The following ENOSF1 variants were observed in gnomAD, a reference collection of about 807,000 sequenced individuals.
ENOSF1 encodes the protein mitochondrial enolase superfamily member 1.
ENOSF1 carries 73 observed loss-of-function variants against 68.2 expected under a neutral mutation model. The observed-to-expected ratio is 1.07, with a 90% CI of 0.89 to 1.30. The LOEUF (loss-of-function observed/expected upper bound fraction) is 1.30. Among genes scored for constraint, ENOSF1 ranks in the 50% most tolerant of loss-of-function variants. The probability of loss-of-function intolerance (pLI) is 0.00; values close to 1 mark genes in which losing one functional copy is unlikely to be tolerated. For missense variants in ENOSF1, 589 were observed against 554.5 expected (o/e 1.06, Z -0.62); for synonymous variants, 223 against 210.4 (o/e 1.06, Z -0.52).
chr18:703,778 G>A (rs539809631), intron 2 of ENOSF1, among the ~76,000 whole-genome samples: 2 of 152,302 alleles, frequency 1.3e-5, no homozygotes, highest in Non-Finnish European at 2.9e-5. Flanking sequence ...ATGTTGAAGT[G>A]TAATCCGCAG....
downstream of ENOSF1, chr18:669,048 CCT>C (rs775540395): frequency 1.3e-6 from 2 of 1,584,076 alleles, no homozygotes; most frequent in African/African-American, 1.3e-5. Flanking sequence ...ATGTACCTGT[CCT>C]CTCTTTTTGA....
chr18:668,011 T>TA (rs1555639907), downstream of ENOSF1, among the ~76,000 whole-genome samples: 6 of 149,910 alleles, frequency 4.0e-5, no homozygotes, highest in South Asian at 8.6e-4. Context: ...TTTTTTTTTT[T>TA]AATGCACAGA....
At chr18:666,263 ATCGG>A (rs1191069264), downstream of ENOSF1, among the ~76,000 whole-genome samples, 6 of 151,734 alleles carry the variant, frequency 4.0e-5, no homozygotes, top group East Asian at 9.8e-4. Flanking sequence ...TGGGAAGTTC[ATCGG>A]TGGGACAAGG....
chr18:694,243 G>A lies in ENOSF1; in HGVS notation c.396+5C>T, dbSNP rs543721417. On this transcript the variant is annotated splice_donor_5th_base_variant and intron_variant, in intron 4 of 15. Coordinates refer to ENST00000647584, the MANE Select transcript of ENOSF1 (RefSeq NM_017512.7). ...AGCCTCCTGAGCGTTTGTGAGAGGG[G>A]TTACCTTTCCCTCCTGCTTGGCCCA... 1.9e-6 allele frequency: 3 copies of A among 1,613,892 alleles called. No individual in the cohort carries two copies. Among genetic ancestry groups the A allele is most frequent in the East Asian group, 2.2e-5 (1 of 44,874 alleles).
chr18:673,025 T>C lies in ENOSF1; in HGVS notation c.*1280A>G. 6.6e-7 allele frequency: 1 copy of C among 1,520,250 alleles called. No individual in the cohort carries two copies. Among genetic ancestry groups the C allele is most frequent in the Non-Finnish European group, 9.0e-7 (1 of 1,115,762 alleles). 94.2% of individuals were successfully genotyped at this position (1,520,250 alleles called of 1,614,324 possible). On this transcript the variant is annotated 3_prime_UTR_variant, in exon 16 of 16. Coordinates refer to ENST00000647584, the MANE Select transcript of ENOSF1 (RefSeq NM_017512.7). Reference sequence around the variant, plus strand: ...TGCTTTCAAAGGAGCTCGAAGGATATTGTCAGTCTTTAGGGGTTGGGCTGG... The same window carrying C: ...TGCTTTCAAAGGAGCTCGAAGGATACTGTCAGTCTTTAGGGGTTGGGCTGG...
chr18:677,164 G>A (rs1479946895), intron 14 of ENOSF1, among the ~76,000 whole-genome samples, 181 bp downstream of exon 14: 1 of 152,184 alleles, frequency 6.6e-6, no homozygotes, highest in African/African-American at 2.4e-5. Context: ...TATCTTAGGA[G>A]GCAAAATGAC....
At chr18:704,430 A>AAAAAG (rs1241936042) in intron 2 of ENOSF1, among the ~76,000 whole-genome samples, 1 of 109,088 alleles carries the variant, frequency 9.2e-6, no homozygotes, top group Non-Finnish European at 1.9e-5. Context: ...TCTTGTTTCC[A>AAAAAG]AAAAGAAAAG....
chr18:679,233 C>G (rs1482779608), intron 11 of ENOSF1, among the ~76,000 whole-genome samples: 1 of 143,914 alleles, frequency 6.9e-6, no homozygotes, highest in African/African-American at 2.6e-5. Flanking sequence ...TTTTTGAGAC[C>G]GAGTCTTGCT....
Position 670,895 on chromosome 18 carries a change from C to T in ENOSF1, c.*3410G>A. On this transcript the variant is annotated 3_prime_UTR_variant, in exon 16 of 16. Transcript: ENST00000647584. ...GGGCTGTCTCGGGAAGGGTGACTTG[C>T]CAGCCTACCACACTGAGCTCTTCAG... 1.2e-6 allele frequency: 2 copies of T among 1,611,466 alleles called. No homozygotes were observed. The highest frequency in any genetic ancestry group is 8.5e-7 in the Non-Finnish European group (1 of 1,178,368).
intron 10 of ENOSF1, 145 bp downstream of exon 10, chr18:685,776 T>G: frequency 1.5e-6 from 1 of 658,198 alleles, no homozygotes; most frequent in South Asian, 1.9e-5. Context: ...TATTTTTGTT[T>G]GAGCTCGCCT....
Position 691,289 on chromosome 18 carries a change from CAGG to C in ENOSF1, c.424-16_424-14del. On this transcript the variant is annotated splice_polypyrimidine_tract_variant and intron_variant, in intron 5 of 15. Coordinates refer to ENST00000647584, the MANE Select transcript of ENOSF1 (RefSeq NM_017512.7). ...GCATCCTGGGATCCTGGCAACGTGACAGGAGGGGAAGAGGCCTGAATCAATTAT... is the reference window on the plus strand; with the variant it reads ...GCATCCTGGGATCCTGGCAACGTGACAGGGGAAGAGGCCTGAATCAATTAT... 6.2e-7 allele frequency: 1 copy of C among 1,610,478 alleles called. No individual in the cohort carries two copies. The highest frequency in any genetic ancestry group is 8.5e-7 in the Non-Finnish European group (1 of 1,177,224).
chr18:708,832 C>T (rs1009923427), intron 1 of ENOSF1, among the ~76,000 whole-genome samples: 1 of 152,064 alleles, frequency 6.6e-6, no homozygotes, highest in South Asian at 2.1e-4. Context: ...TGGTGCCCAC[C>T]TGGGTTGGCT....
intron 3 of ENOSF1, among the ~76,000 whole-genome samples, chr18:695,821 G>A (rs2077651139): frequency 6.6e-6 from 1 of 152,122 alleles, no homozygotes; most frequent in Admixed American, 6.6e-5. Context: ...TTATTTGGAT[G>A]TTCAAATTGT....
At position 670,915 on chromosome 18, in the gene ENOSF1, C is replaced by T. The variant is rs2144367770; in HGVS notation, c.*3390G>A. The T allele has an allele frequency of 4.4e-6, 7 of 1,587,338 alleles. No homozygotes were observed. In the South Asian group the frequency reaches 5.7e-5, roughly 13 times the overall value. The stretch of plus-strand genomic sequence containing the variant: ...ACTTGCCAGCCTACCACACTGAGCT[C>T]TTCAGTTCTTTAATATGGGAAAACA... On this transcript the variant is annotated 3_prime_UTR_variant, in exon 16 of 16. Transcript: ENST00000647584.
chr18:687,279 C>A (rs1471403360), intron 9 of ENOSF1: 8 of 152,238 alleles, frequency 5.3e-5, no homozygotes, highest in Admixed American at 4.6e-4. Context: ...CGGCTTCATG[C>A]TGCCTCCTTC....
At chr18:700,691 C>A (rs544686652) in intron 2 of ENOSF1, among the ~76,000 whole-genome samples, 22 of 151,830 alleles carry the variant, frequency 1.4e-4, no homozygotes, top group Non-Finnish European at 2.9e-4. Context: ...ATGAGATCAA[C>A]CTGATCAACA....
chr18:667,970 T>C (rs1340765007), downstream of ENOSF1, among the ~76,000 whole-genome samples: 1 of 150,630 alleles, frequency 6.6e-6, no homozygotes, highest in African/African-American at 2.5e-5. Context: ...TGTTTTTAAT[T>C]TTGTTTTACA....
At chr18:688,319 C>A (rs929180321) in intron 9 of ENOSF1, 5 of 489,120 alleles carry the variant, frequency 1.0e-5, no homozygotes, top group South Asian at 2.6e-5. Context: ...GATTTCTACT[C>A]TAGGTTAGTG....
chr18:664,373 C>T, the ENOSF1 span, among the ~76,000 whole-genome samples: 1 of 147,068 alleles, frequency 6.8e-6, no homozygotes, highest in African/African-American at 2.6e-5. Context: ...ATTTTATATC[C>T]TGAGACTTTG....
Sources: allele counts gnomAD v4.1 joint callset (sites outside exome capture counted in the v4.1 genomes callset), GRCh38; gene constraint gnomAD v4.1.1; transcripts MANE v1.5; gene names NCBI Gene and HGNC (gene_info 2026-07-23, HGNC 2026-07-21).